Variants in GOT2 observed in about 807,000 individuals in gnomAD.
The protein encoded by GOT2 is aspartate aminotransferase, mitochondrial.
In GOT2, 17 loss-of-function variants were observed where a neutral mutation model predicts 50.0. That is an observed-to-expected ratio of 0.34 (90% CI 0.23 to 0.51). The LOEUF (loss-of-function observed/expected upper bound fraction) is 0.51. GOT2 is among the 20% of genes least tolerant of loss of function. The probability of loss-of-function intolerance (pLI) is 0.97; values close to 1 mark genes in which losing one functional copy is unlikely to be tolerated. For missense variants in GOT2, 430 were observed against 559.6 expected, an observed-to-expected ratio of 0.77 and a Z score of 2.34; for synonymous variants, 172 against 204.9, an observed-to-expected ratio of 0.84 and a Z score of 1.37.
intron 1 of GOT2, among the ~76,000 whole-genome samples, chr16:58,727,777 A>G (rs2044799599): frequency 6.6e-6 from 1 of 152,152 alleles, no homozygotes; most frequent in Non-Finnish European, 1.5e-5. Flanking sequence ...AGGAGGAGTA[A>G]AAGGGCTTTC....
intron 9 of GOT2, among the ~76,000 whole-genome samples, chr16:58,708,813 T>C (rs910330327): frequency 7.3e-5 from 11 of 151,502 alleles, no homozygotes; most frequent in Non-Finnish European, 1.5e-4. Flanking sequence ...CTTTAGAAGT[T>C]TGTGAGTTCA....
Position 58,723,830 on chromosome 16 carries a change from G to C in GOT2, c.162C>G (p.Asp54Glu), listed in dbSNP as rs2044760458. Residue 54 changes from aspartate to glutamate, a missense_variant, in exon 2 of 10, where the codon GAC (aspartate) becomes GAG (glutamate). Physicochemically the swap from Asp to Glu is conservative, Grantham distance 45. Coordinates refer to ENST00000245206, the MANE Select transcript of GOT2 (RefSeq NM_002080.4). Reference protein sequence around the residue: ...ILGVTEAFKRDTNSKKMNLGV... With the variant: ...ILGVTEAFKRETNSKKMNLGV... ...CCAGATTCATCTTTTTGCTATTGGT[G>C]TCCCTCTTAAAGGCTTCAGTGACTC... 1 of 1,612,588 alleles carries C rather than the reference G, an allele frequency of 6.2e-7. No homozygotes were observed. The highest frequency in any genetic ancestry group is 8.5e-7 in the Non-Finnish European group (1 of 1,178,774).
chr16:58,728,118 T>C (rs1341212229), intron 1 of GOT2, among the ~76,000 whole-genome samples: 1 of 152,360 alleles, frequency 6.6e-6, no homozygotes, highest in African/African-American at 2.4e-5. Flanking sequence ...TCAATCGTTG[T>C]AATTAATTAG....
intron 3 of GOT2, among the ~76,000 whole-genome samples, chr16:58,720,610 G>GCT (rs2044733601): frequency 6.8e-6 from 1 of 147,602 alleles, no homozygotes; most frequent in Non-Finnish European, 1.5e-5. Flanking sequence ...ATAGGTTCGT[G>GCT]CTCTGTCACC....
chr16:58,725,213 C>T (rs1336172455), intron 1 of GOT2, among the ~76,000 whole-genome samples: 1 of 151,458 alleles, frequency 6.6e-6, no homozygotes, highest in African/African-American at 2.4e-5. Context: ...CTCCTGGGTT[C>T]AAGTGATTCT....
chr16:58,713,300 T>C (rs190627471), intron 8 of GOT2, among the ~76,000 whole-genome samples: 1 of 152,120 alleles, frequency 6.6e-6, no homozygotes, highest in Admixed American at 6.5e-5. Context: ...ACTTAAAAAG[T>C]ACTCAAATTT....
intron 9 of GOT2, 127 bp from the exon 10 acceptor site, chr16:58,708,420 G>T: frequency 1.1e-6 from 1 of 871,890 alleles, no homozygotes; most frequent in Non-Finnish European, 1.7e-6. Flanking sequence ...AGAATTTGCT[G>T]TTAGCTTGGA....
intron 1 of GOT2, among the ~76,000 whole-genome samples, chr16:58,727,795 A>G (rs1471243762): frequency 3.9e-5 from 6 of 152,204 alleles, no homozygotes; most frequent in Non-Finnish European, 8.8e-5. Context: ...TTCCAAGAAG[A>G]GAATTAAGAA....
chr16:58,716,557 T>TGGACACAC (rs2044694462), intron 7 of GOT2, 106 bp downstream of exon 7: 11 of 818,700 alleles, frequency 1.3e-5, no homozygotes, highest in South Asian at 1.2e-4. Context: ...TGGACATGGA[T>TGGACACAC]GGACACACAC....
intron 8 of GOT2, among the ~76,000 whole-genome samples, chr16:58,713,715 C>T (rs564518009): frequency 2.0e-5 from 3 of 152,212 alleles, no homozygotes; most frequent in South Asian, 2.1e-4. Flanking sequence ...AACAAATATA[C>T]GATAAACTCA....
At chr16:58,716,569 C>T in intron 7 of GOT2, 94 bp downstream of exon 7, 1 of 973,326 alleles carries the variant, frequency 1.0e-6, no homozygotes, top group Non-Finnish European at 1.5e-6. Flanking sequence ...GACACACACA[C>T]ACACACACAC....
chr16:58,718,290 T>C lies in GOT2; in HGVS notation c.608A>G (p.Glu203Gly). The change falls in exon 6 of 10, where the codon GAG becomes GGG. Residue 203 changes from glutamate (E) to glycine (G), a missense_variant. Glu to Gly is a moderately conservative substitution (Grantham distance 98). Transcript: ENST00000245206. ...GGCATGCAGAAGAAGAACACTCTGC[T>C]CTGGTATTTTCTAAAGAGAAAAACA... ...GAVEDISKIP[E>G]QSVLLLHACA... The C allele has an allele frequency of 6.2e-7, 1 of 1,612,556 alleles. No homozygotes were observed. Among genetic ancestry groups the C allele is most frequent in the Non-Finnish European group, 8.5e-7 (1 of 1,178,510 alleles).
At chr16:58,716,329 G>A in intron 7 of GOT2, 150 bp from the exon 8 acceptor site, 1 of 723,144 alleles carries the variant, frequency 1.4e-6, no homozygotes, top group Non-Finnish European at 2.2e-6. Context: ...CAACCAGAGT[G>A]GTGAACTGAG....
At chr16:58,732,983 T>C (rs1011182290) in intron 1 of GOT2, among the ~76,000 whole-genome samples, 1 of 152,190 alleles carries the variant, frequency 6.6e-6, no homozygotes, top group Non-Finnish European at 1.5e-5. Context: ...AAAACTGTAC[T>C]GCCAAGGCTG....
At position 58,723,726 on chromosome 16, in the gene GOT2, G is replaced by A. The variant is rs2044758653; in HGVS notation, c.246+20C>T. 1 of 1,600,898 alleles carries A rather than the reference G, an allele frequency of 6.2e-7. No homozygotes were observed. Among genetic ancestry groups the A allele is most frequent in the Non-Finnish European group, 8.6e-7 (1 of 1,168,684 alleles). ...TCAGTTTATTCATCCCATTCAAAAG[G>A]AGATGAACAGCAAGCTCACCTTGCG... On this transcript the variant is annotated intron_variant, in intron 2 of 9. Coordinates refer to ENST00000245206, the MANE Select transcript of GOT2 (RefSeq NM_002080.4).
intron 1 of GOT2, among the ~76,000 whole-genome samples, chr16:58,733,601 C>T (rs1334661775): frequency 6.6e-6 from 1 of 152,174 alleles, no homozygotes; most frequent in Non-Finnish European, 1.5e-5. Context: ...ATGCCGCACG[C>T]CAAGGTCGCA....
At chr16:58,709,207 G>A in intron 9 of GOT2, 1 of 450,026 alleles carries the variant, frequency 2.2e-6, no homozygotes, top group Non-Finnish European at 4.0e-6. Context: ...AGGTTGCAGT[G>A]AGCTGAGATT....
intron 6 of GOT2, among the ~76,000 whole-genome samples, chr16:58,717,049 T>C (rs1597700267): frequency 6.6e-6 from 1 of 152,334 alleles, no homozygotes; most frequent in South Asian, 2.1e-4. Flanking sequence ...TGTCTCATTC[T>C]GTTTGCAGCT....
At chr16:58,723,468 T>C (rs1252609639) in intron 2 of GOT2, among the ~76,000 whole-genome samples, 2 of 152,172 alleles carry the variant, frequency 1.3e-5, no homozygotes, top group East Asian at 1.9e-4. Context: ...AGGATTAAAG[T>C]AGGCATAGCT....
Sources: gnomAD v4.1 joint callset for allele counts (sites outside exome capture counted in the v4.1 genomes callset) on GRCh38, gnomAD v4.1.1 for gene constraint, MANE v1.5 for transcripts, NCBI Gene and HGNC (gene_info 2026-07-23, HGNC 2026-07-21) for gene names.